PRKCA: variants seen among roughly 807,000 people sequenced by gnomAD.
PRKCA encodes protein kinase C alpha type.
In PRKCA, 27 loss-of-function variants were observed where a neutral mutation model predicts 87.0. The ratio of observed to expected loss-of-function variants is 0.31; its 90% confidence interval spans 0.23 to 0.43. The LOEUF is 0.43. Ranked by LOEUF, PRKCA falls within the 20% of genes least tolerant of loss-of-function variation. PRKCA has a pLI of 1.00. For missense variants in PRKCA, 518 were observed against 852.3 expected, an observed-to-expected ratio of 0.61 and a Z score of 4.88; for synonymous variants, 329 against 311.1, an observed-to-expected ratio of 1.06 and a Z score of -0.61.
At chr17:66,366,684 C>A (rs761660799) in intron 2 of PRKCA, among the ~76,000 whole-genome samples, 1 of 152,114 alleles carries the variant, frequency 6.6e-6, no homozygotes, top group Non-Finnish European at 1.5e-5. Flanking sequence ...GTAGAGCGAG[C>A]TATAGGTGAA....
intron 3 of PRKCA, among the ~76,000 whole-genome samples, chr17:66,640,205 G>C (rs993540005): frequency 6.6e-6 from 1 of 152,150 alleles, no homozygotes; most frequent in Admixed American, 6.5e-5. Context: ...AGGCAGAAAG[G>C]ATAAGTAATT....
intron 2 of PRKCA, among the ~76,000 whole-genome samples, chr17:66,343,103 T>G (rs1270618300): frequency 7.1e-6 from 1 of 141,570 alleles, no homozygotes; most frequent in Admixed American, 6.8e-5. Flanking sequence ...CCTGAATAAT[T>G]TTTTTTTTTG....
At chr17:66,724,484 G>A (rs1973693838) in intron 8 of PRKCA, among the ~76,000 whole-genome samples, 1 of 152,166 alleles carries the variant, frequency 6.6e-6, no homozygotes, top group Non-Finnish European at 1.5e-5. Context: ...GAGTGAGATG[G>A]ACTCAAGATT....
intron 3 of PRKCA, among the ~76,000 whole-genome samples, chr17:66,590,740 C>T (rs1969776449): frequency 1.3e-5 from 2 of 152,172 alleles, no homozygotes; most frequent in South Asian, 4.2e-4. Context: ...ATCCCAGCTA[C>T]GTGGGAGGCT....
chr17:66,784,868 C>T (rs1423548926), intron 14 of PRKCA, among the ~76,000 whole-genome samples: 1 of 152,082 alleles, frequency 6.6e-6, no homozygotes, highest in African/African-American at 2.4e-5. Context: ...TGGTGGGTGC[C>T]CCCCCAAGCT....
chr17:66,383,177 G>A (rs1419797079), intron 2 of PRKCA, among the ~76,000 whole-genome samples: 1 of 151,744 alleles, frequency 6.6e-6, no homozygotes, highest in African/African-American at 2.4e-5. Flanking sequence ...TGTGTATTTG[G>A]CTTTTCTTTT....
intron 16 of PRKCA, among the ~76,000 whole-genome samples, chr17:66,799,058 G>GTGGTGA (rs1975791561): frequency 6.8e-5 from 5 of 73,298 alleles, no homozygotes; most frequent in African/African-American, 9.9e-5. Context: ...GGTGATGGTG[G>GTGGTGA]TGGTGGTGGT....
At chr17:66,376,659 C>A (rs1294215289) in intron 2 of PRKCA, among the ~76,000 whole-genome samples, 1 of 151,872 alleles carries the variant, frequency 6.6e-6, no homozygotes, top group African/African-American at 2.4e-5. Flanking sequence ...TGGGTGAGGA[C>A]CCCTCCACCC....
chr17:66,369,362 A>C (rs1908958902), intron 2 of PRKCA, among the ~76,000 whole-genome samples: 1 of 152,102 alleles, frequency 6.6e-6, no homozygotes, highest in African/African-American at 2.4e-5. Context: ...TAAAACAGCA[A>C]GGGTGGCACC....
At chr17:66,358,264 T>C (rs775352236) in intron 2 of PRKCA, among the ~76,000 whole-genome samples, 9 of 152,128 alleles carry the variant, frequency 5.9e-5, no homozygotes, top group Non-Finnish European at 1.3e-4. Flanking sequence ...TGAGTTTAAA[T>C]AGTTATTCCC....
chr17:66,764,017 C>T (rs879816316), intron 13 of PRKCA, among the ~76,000 whole-genome samples: 13 of 152,294 alleles, frequency 8.5e-5, no homozygotes, highest in East Asian at 3.9e-4. Context: ...GGATCAAGGC[C>T]TTCAGTATAG....
rs763316448 is a variant in PRKCA, at chr17:66,734,499, CTAA to C, written c.1057-985_1057-983del. On this transcript the variant is annotated intron_variant, in intron 9 of 16. Coordinates refer to ENST00000413366, the MANE Select transcript of PRKCA (RefSeq NM_002737.3). ...GCTGGTGGGAGTGTCTTTTCACATG[CTAA>C]TAATGCATATAATGAGCAATGAGGG... is the stretch of plus-strand genomic sequence containing the variant. Among the ~76,000 whole-genome samples the C allele has an allele frequency of 5.3e-5, 8 of 152,136 alleles. No homozygotes were observed. The East Asian group carries it at 1.5e-3, about 29-fold the overall frequency.
intron 2 of PRKCA, among the ~76,000 whole-genome samples, chr17:66,320,402 A>G (rs1475792013): frequency 1.5e-4 from 23 of 151,836 alleles, no homozygotes; most frequent in Admixed American, 1.4e-3. Flanking sequence ...AAAAGAAAGC[A>G]TGAGGGAATC....
intron 8 of PRKCA, among the ~76,000 whole-genome samples, chr17:66,719,617 A>T (rs746592219): frequency 1.7e-4 from 26 of 152,178 alleles, no homozygotes; most frequent in Non-Finnish European, 3.4e-4. Flanking sequence ...AAATACAAAA[A>T]TTAGCCAGGC....
chr17:66,581,812 A>G (rs546559960), intron 3 of PRKCA, among the ~76,000 whole-genome samples: 2 of 152,196 alleles, frequency 1.3e-5, no homozygotes, highest in Non-Finnish European at 2.9e-5. Flanking sequence ...CTAAATTCTC[A>G]GGATGAGCTG....
intron 3 of PRKCA, chr17:66,640,901 C>T (rs749791879): frequency 2.4e-6 from 1 of 420,794 alleles, no homozygotes. Context: ...TGGTTCACGC[C>T]TGTAATCCCA....
intron 3 of PRKCA, among the ~76,000 whole-genome samples, chr17:66,511,498 C>T (rs922906243): frequency 6.6e-6 from 1 of 152,072 alleles, no homozygotes; most frequent in African/African-American, 2.4e-5. Flanking sequence ...GTTTTTTCCC[C>T]ATTAAGAATT....
chr17:66,763,464 T>C (rs570965110), intron 13 of PRKCA, among the ~76,000 whole-genome samples: 83 of 152,276 alleles, frequency 5.5e-4, no homozygotes, highest in South Asian at 4.8e-3. Flanking sequence ...TCTTTCCAAA[T>C]GGTGCTGTTT....
At chr17:66,494,479 A>G (rs927455837) in intron 2 of PRKCA, among the ~76,000 whole-genome samples, 3 of 152,048 alleles carry the variant, frequency 2.0e-5, no homozygotes, top group African/African-American at 7.2e-5. Context: ...GGCTCTACTC[A>G]CCTTTTTGTA....
Sources: gnomAD v4.1 joint callset for allele counts (sites outside exome capture counted in the v4.1 genomes callset) on GRCh38, gnomAD v4.1.1 for gene constraint, MANE v1.5 for transcripts, NCBI Gene and HGNC (gene_info 2026-07-23, HGNC 2026-07-21) for gene names.